Variants in TMEM223 observed in about 807,000 individuals in gnomAD.
TMEM223 encodes transmembrane protein 223.
In TMEM223, 14 loss-of-function variants were observed where a neutral mutation model predicts 14.1. That is an observed-to-expected ratio of 0.99 (90% CI 0.66 to 1.55). TMEM223 has a LOEUF of 1.55. TMEM223 is among the 40% of genes most tolerant of loss of function. The pLI is 0.00. For missense variants in TMEM223, 346 were observed against 269.9 expected (o/e 1.28, Z -1.97); for synonymous variants, 145 against 120.5 (o/e 1.20, Z -1.33).
intron 2 of TMEM223, among the ~76,000 whole-genome samples, chr11:62,773,694 C>T (rs924472017): frequency 3.9e-5 from 6 of 152,070 alleles, no homozygotes; most frequent in East Asian, 1.9e-4. Context: ...GTGATTCGCC[C>T]GCCTTGGCCT....
intron 1 of TMEM223, among the ~76,000 whole-genome samples, chr11:62,774,905 AAAAAAT>A (rs1178224388): frequency 2.0e-5 from 3 of 150,858 alleles, no homozygotes; most frequent in African/African-American, 7.3e-5. Flanking sequence ...AAAAAAAAAA[AAAAAAT>A]TTAGCCATCC....
At position 62,791,745 on chromosome 11, in the gene TMEM223, G is replaced by A. The variant is rs2084363844; in HGVS notation, c.250C>T (p.Arg84Cys). Residue 84 changes from arginine (R) to cysteine (C), a missense_variant, in exon 1 of 2, where the codon CGT becomes TGT. Transcript: ENST00000307366. ...GCGGAGCGCAGGTCGAAGGGGCCAC[G>A]ATTTGGGACCTCCGCATCCAGAGGC... Reference protein sequence around the residue: ...VQPLDAEVPNRGPFDLRSALW... With the variant: ...VQPLDAEVPNCGPFDLRSALW... 6.4e-7 allele frequency: 1 copy of A among 1,562,448 alleles called. No homozygotes were observed.
In TMEM223 at chr11:62,780,835, G is replaced by A. The variant is rs983248748; in HGVS notation, c.315-6170C>T. On this transcript the variant is annotated intron_variant, in intron 1 of 2. Coordinates refer to the TMEM223 transcript ENST00000528367. ...GTCTGTAATCCTAGCTACTTGCGAG[G>A]CTGATGCAGGAGAATCGCTTGAACC... 3.3e-5 allele frequency among the ~76,000 whole-genome samples: 5 copies of A among 151,310 alleles called. No homozygotes were observed. The Admixed American group carries it at 3.3e-4, about 10-fold the overall frequency.
At chr11:62,789,017 C>T, downstream of TMEM223, 1 of 1,609,092 alleles carries the variant, frequency 6.2e-7, no homozygotes, top group Non-Finnish European at 8.5e-7. Context: ...CAGCTTCTCT[C>T]CACAGGGCTC....
At position 62,791,923 on chromosome 11, in the gene TMEM223, G is replaced by C; in HGVS notation, c.72C>G (p.Pro24=). The change falls in exon 1 of 2, where the codon CCC becomes CCG. Residue 24 remains proline (P), a synonymous_variant. Coordinates refer to ENST00000307366, the MANE Select transcript of TMEM223 (RefSeq NM_001080501.3). ...AVLRPLLTCR[P]LQGTTLQRDV... is the part of the protein sequence containing the mutation. ...CCCGTTGCAGCGTCGTGCCTTGCAG[G>C]GGCCGGCAGGTGAGCAGGGGCCGCA... 6.3e-7 allele frequency: 1 copy of C among 1,598,484 alleles called. No individual in the cohort carries two copies. The highest frequency in any genetic ancestry group is 1.1e-5 in the South Asian group (1 of 88,502).
downstream of TMEM223, chr11:62,789,668 C>G (rs1241438185): frequency 5.8e-6 from 9 of 1,547,638 alleles, no homozygotes; most frequent in South Asian, 8.9e-5. Context: ...CTCCAACCTA[C>G]ACAATGCTGA....
At chr11:62,774,889 C>T (rs1359749571) in intron 1 of TMEM223, among the ~76,000 whole-genome samples, 1 of 128,522 alleles carries the variant, frequency 7.8e-6, no homozygotes, top group African/African-American at 3.0e-5. Context: ...AAAACTCCGT[C>T]TCAAAAAAAA....
intron 1 of TMEM223, chr11:62,775,816 G>C (rs2084183135): frequency 6.2e-7 from 1 of 1,612,212 alleles, no homozygotes; most frequent in African/African-American, 1.3e-5. Context: ...GGTTTGTGGA[G>C]ATCCCTCGGG....
intron 1 of TMEM223, chr11:62,777,864 C>A: frequency 7.7e-7 from 1 of 1,298,098 alleles, no homozygotes; most frequent in Non-Finnish European, 1.0e-6. Flanking sequence ...CTTGGGACTT[C>A]TGGACTTCCT....
At chr11:62,778,949 C>A in intron 1 of TMEM223, 1 of 1,614,020 alleles carries the variant, frequency 6.2e-7, no homozygotes, top group Non-Finnish European at 8.5e-7. Context: ...AGGGGATGAT[C>A]CGCAACTGAT....
At chr11:62,786,679 G>C (rs1226913489), downstream of TMEM223, 3 of 1,611,798 alleles carry the variant, frequency 1.9e-6, no homozygotes, top group Non-Finnish European at 2.5e-6. Context: ...CTTTGGGTCC[G>C]GCCTCCCGCT....
At chr11:62,776,237 T>G in intron 1 of TMEM223, 1 of 804,190 alleles carries the variant, frequency 1.2e-6, no homozygotes, top group Non-Finnish European at 2.0e-6. Context: ...GGTGTTTTTG[T>G]ACAGGAGCAG....
chr11:62,771,888 A>G (rs2084150599), exon 3 of TMEM223: 1 of 309,826 alleles, frequency 3.2e-6, no homozygotes, highest in Non-Finnish European at 6.4e-6. Flanking sequence ...AGATAGGGAA[A>G]CTGCAGCTTC....
intron 1 of TMEM223, among the ~76,000 whole-genome samples, chr11:62,779,388 G>A (rs1414377792): frequency 6.6e-6 from 1 of 151,952 alleles, no homozygotes; most frequent in East Asian, 1.9e-4. Context: ...GTAGAGACGG[G>A]GTTTCACCGT....
downstream of TMEM223, chr11:62,786,751 C>G (rs771523665): frequency 1.9e-6 from 3 of 1,613,016 alleles, no homozygotes; most frequent in South Asian, 1.1e-5. Flanking sequence ...CGACATCTAC[C>G]GGGAGCTCTA....
At chr11:62,787,022 G>A (rs1211951352), downstream of TMEM223, 1 of 1,498,734 alleles carries the variant, frequency 6.7e-7, no homozygotes, top group Non-Finnish European at 8.8e-7. Flanking sequence ...CGGGCGCGCG[G>A]GGCACCCCGG....
intron 1 of TMEM223, chr11:62,775,940 C>T (rs758372729): frequency 3.8e-6 from 6 of 1,594,738 alleles, no homozygotes; most frequent in Non-Finnish European, 4.3e-6. Flanking sequence ...GGTACACTCC[C>T]CTCACCCCCT....
chr11:62,783,354 C>T (rs1214611045), downstream of TMEM223, among the ~76,000 whole-genome samples: 1 of 151,796 alleles, frequency 6.6e-6, no homozygotes, highest in Non-Finnish European at 1.5e-5. Context: ...TGGTGGCGGG[C>T]GCCTGTAGTC....
intron 1 of TMEM223, chr11:62,778,137 C>T (rs200836147): frequency 4.8e-5 from 78 of 1,613,936 alleles, no homozygotes; most frequent in Admixed American, 6.7e-5. Flanking sequence ...AGGTGGCTGC[C>T]GGGGTCCTGC....
Sources: gnomAD v4.1 joint callset for allele counts (sites outside exome capture counted in the v4.1 genomes callset) on GRCh38, gnomAD v4.1.1 for gene constraint, MANE v1.5 for transcripts, NCBI Gene and HGNC (gene_info 2026-07-23, HGNC 2026-07-21) for gene names.